The following SPOCK1 variants were observed in gnomAD, a reference collection of about 807,000 sequenced individuals.
The protein encoded by SPOCK1 is testican-1.
SPOCK1 carries 23 observed loss-of-function variants against 55.3 expected under a neutral mutation model. That is an observed-to-expected ratio of 0.42 (90% CI 0.30 to 0.59). The LOEUF is 0.59. Among genes scored for constraint, SPOCK1 ranks in the 20% least tolerant of loss-of-function variants. The probability of loss-of-function intolerance (pLI) is 0.22; values close to 1 mark genes in which losing one functional copy is unlikely to be tolerated. For missense variants in SPOCK1, 499 were observed against 552.5 expected (o/e 0.90, Z 0.97); for synonymous variants, 226 against 221.0 (o/e 1.02, Z -0.20).
At chr5:137,065,536 A>G (rs1016312720) in intron 6 of SPOCK1, among the ~76,000 whole-genome samples, 2 of 152,216 alleles carry the variant, frequency 1.3e-5, no homozygotes, top group African/African-American at 4.8e-5. Flanking sequence ...GATAATTTCC[A>G]AAGGGTGTTC....
intron 3 of SPOCK1, among the ~76,000 whole-genome samples, chr5:137,199,161 C>T (rs1420763226): frequency 6.6e-6 from 1 of 152,182 alleles, no homozygotes; most frequent in African/African-American, 2.4e-5. Context: ...GATTCTGTCA[C>T]ATTGTGACCC....
intron 2 of SPOCK1, among the ~76,000 whole-genome samples, chr5:137,453,230 C>A (rs1026855625): frequency 2.0e-5 from 3 of 152,170 alleles, no homozygotes; most frequent in African/African-American, 7.2e-5. Context: ...GCTGTCAATG[C>A]TAATGGTACC....
chr5:137,159,606 C>T (rs1754486613), intron 3 of SPOCK1, among the ~76,000 whole-genome samples: 1 of 152,066 alleles, frequency 6.6e-6, no homozygotes, highest in Non-Finnish European at 1.5e-5. Context: ...TTTTCTGTTC[C>T]TAAGTTATTT....
chr5:137,123,897 C>T (rs1753731447), intron 4 of SPOCK1, among the ~76,000 whole-genome samples: 1 of 152,054 alleles, frequency 6.6e-6, no homozygotes, highest in African/African-American at 2.4e-5. Flanking sequence ...ATCAAAGAAT[C>T]AAGGGGGTCA....
chr5:137,387,630 T>G (rs1225226895), intron 2 of SPOCK1, among the ~76,000 whole-genome samples: 2 of 152,168 alleles, frequency 1.3e-5, no homozygotes, highest in Non-Finnish European at 2.9e-5. Flanking sequence ...TGTATACATG[T>G]CAGTATGCAC....
intron 2 of SPOCK1, among the ~76,000 whole-genome samples, chr5:137,394,151 C>T (rs2127180699): frequency 1.3e-5 from 2 of 152,190 alleles, no homozygotes; most frequent in African/African-American, 4.8e-5. Flanking sequence ...TTTTTATTTA[C>T]TTTTTTAGTG....
intron 5 of SPOCK1, among the ~76,000 whole-genome samples, chr5:137,105,519 C>T (rs1474420016): frequency 6.6e-6 from 1 of 152,200 alleles, no homozygotes; most frequent in Non-Finnish European, 1.5e-5. Flanking sequence ...CTTACACATG[C>T]ACAACCCTGA....
chr5:137,049,305 C>T (rs1237622224), intron 6 of SPOCK1, among the ~76,000 whole-genome samples: 1 of 131,178 alleles, frequency 7.6e-6, no homozygotes, highest in Non-Finnish European at 1.6e-5. Context: ...GGTCTTTTCA[C>T]ATAGTCCCAT....
chr5:137,000,004 C>T (rs538358946), intron 6 of SPOCK1, among the ~76,000 whole-genome samples: 1 of 152,170 alleles, frequency 6.6e-6, no homozygotes, highest in Non-Finnish European at 1.5e-5. Context: ...ACCAGCCCCC[C>T]TCTCTCAGGC....
rs1193153098 is a variant in SPOCK1, at chr5:136,988,427, G to A, written c.923C>T (p.Pro308Leu). Reference protein sequence around the residue: ...NNEWCYCFQKPGGLPCQNEMN... With the variant: ...NNEWCYCFQKLGGLPCQNEMN... ...AACCCTCCATCCCACCTTACCTCCAGGCTTCTGGAAGCAGTAGCACCACTC... is the reference window on the plus strand; with the variant it reads ...AACCCTCCATCCCACCTTACCTCCAAGCTTCTGGAAGCAGTAGCACCACTC... Residue 308 changes from proline to leucine, a missense_variant, in exon 8 of 11, where the codon CCT becomes CTT. Pro to Leu is a moderately conservative substitution (Grantham distance 98, BLOSUM62 -3). Around this residue, in one of 3 missense-constraint regions of SPOCK1, gnomAD observed 386 missense variants for 400.6 expected, o/e 0.96. Coordinates refer to ENST00000394945, the MANE Select transcript of SPOCK1 (RefSeq NM_004598.4). 1.2e-6 allele frequency: 2 copies of A among 1,613,276 alleles called. No homozygotes were observed. The highest frequency in any genetic ancestry group is 1.7e-5 in the Admixed American group (1 of 60,004).
At chr5:137,012,558 G>A (rs1751371239) in intron 6 of SPOCK1, among the ~76,000 whole-genome samples, 1 of 152,136 alleles carries the variant, frequency 6.6e-6, no homozygotes, top group Non-Finnish European at 1.5e-5. Context: ...GACATAACCA[G>A]TGAAATATAT....
intron 6 of SPOCK1, among the ~76,000 whole-genome samples, chr5:137,021,025 T>C (rs1011358462): frequency 6.6e-6 from 1 of 152,162 alleles, no homozygotes; most frequent in Non-Finnish European, 1.5e-5. Context: ...GCATTTATTA[T>C]TCCTCAATAA....
chr5:137,145,103 G>A (rs572074449), intron 3 of SPOCK1, among the ~76,000 whole-genome samples: 1 of 151,814 alleles, frequency 6.6e-6, no homozygotes, highest in South Asian at 2.1e-4. Context: ...CTATTCAAGA[G>A]TCAACTGGCA....
intron 6 of SPOCK1, among the ~76,000 whole-genome samples, chr5:137,053,695 G>A (rs2126999043): frequency 6.6e-6 from 1 of 152,056 alleles, no homozygotes; most frequent in Admixed American, 6.5e-5. Flanking sequence ...TTGGCATCTT[G>A]TGGCTACAAA....
At chr5:137,420,957 T>C (rs374890797) in intron 2 of SPOCK1, among the ~76,000 whole-genome samples, 9 of 152,152 alleles carry the variant, frequency 5.9e-5, no homozygotes, top group Admixed American at 1.3e-4. Flanking sequence ...TCCCTCTACA[T>C]ACTGCTTTGA....
intron 2 of SPOCK1, among the ~76,000 whole-genome samples, chr5:137,346,605 G>T (rs139626812): frequency 6.6e-6 from 1 of 152,338 alleles, no homozygotes; most frequent in Admixed American, 6.5e-5. Flanking sequence ...GAACTGTAAA[G>T]CGCCATATAA....
At chr5:137,154,157 C>A (rs1314794773) in intron 3 of SPOCK1, among the ~76,000 whole-genome samples, 1 of 152,080 alleles carries the variant, frequency 6.6e-6, no homozygotes, top group African/African-American at 2.4e-5. Flanking sequence ...CATGTTGGCA[C>A]ATGCCTTTAA....
intron 2 of SPOCK1, among the ~76,000 whole-genome samples, chr5:137,356,838 T>TAGAGAGAGAGAGAGAGAGAGAGAG: frequency 1.1e-3 from 6 of 5,460 alleles, no homozygotes; most frequent in Non-Finnish European, 1.5e-3. Flanking sequence ...TATATATATA[T>TAGAGAGAGAGAGAGAGAGAGAGAG]AGAGAGAGAG....
chr5:137,124,467 C>T (rs1267950923), intron 4 of SPOCK1, among the ~76,000 whole-genome samples: 1 of 152,086 alleles, frequency 6.6e-6, no homozygotes, highest in Non-Finnish European at 1.5e-5. Context: ...ATCCTGTGGA[C>T]CAAGGGGAGA....
Sources: allele counts gnomAD v4.1 joint callset (sites outside exome capture counted in the v4.1 genomes callset), GRCh38; gene constraint gnomAD v4.1.1; regional missense constraint gnomAD v4.1.1; transcripts MANE v1.5; gene names NCBI Gene and HGNC (gene_info 2026-07-23, HGNC 2026-07-21).